Variants in VTCN1 observed in about 807,000 individuals in gnomAD.
VTCN1 encodes the protein V-set domain containing T cell activation inhibitor 1.
A neutral mutation model predicts 26.5 loss-of-function variants in VTCN1; 26 were observed. That is an observed-to-expected ratio of 0.98 (90% CI 0.72 to 1.36). The LOEUF (loss-of-function observed/expected upper bound fraction) is 1.36. Among genes scored for constraint, VTCN1 ranks in the 40% most tolerant of loss-of-function variants. The pLI is 0.00. For synonymous variants in VTCN1, 116 were observed against 130.7 expected, an observed-to-expected ratio of 0.89 and a Z score of 0.77; for missense variants, 298 against 337.7, an observed-to-expected ratio of 0.88 and a Z score of 0.92.
Position 117,167,503 on chromosome 1 carries a change from A to C in VTCN1, c.97+2604T>G, listed in dbSNP as rs1015728285. ...TCTGTAGTTCCACATTATGTTTTGC[A>C]TATGAAAATGTACTCAGTCTCTGTC... On this transcript the variant is annotated intron_variant, in intron 2 of 5. Coordinates refer to ENST00000369458, the MANE Select transcript of VTCN1 (RefSeq NM_024626.4). The surrounding 1 kb of genome is among the most constrained non-coding windows in gnomAD (Gnocchi z 4.1). Among the ~76,000 whole-genome samples, 1 of 152,222 alleles carries C rather than the reference A, an allele frequency of 6.6e-6. No individual in the cohort carries two copies. The highest frequency in any genetic ancestry group is 1.5e-5 in the Non-Finnish European group (1 of 68,046).
At chr1:117,154,783 CAAAAAAAAAAAAAA>C (rs916361996) in intron 3 of VTCN1, among the ~76,000 whole-genome samples, 2 of 39,896 alleles carry the variant, frequency 5.0e-5, no homozygotes, top group African/African-American at 1.7e-4. Flanking sequence ...AACTCCATCT[CAAAAAAAAAAAAAA>C]AAAAAAGAAA....
intron 1 of VTCN1, among the ~76,000 whole-genome samples, chr1:117,205,144 T>TTATATATATA (rs144891643): frequency 1.5e-4 from 20 of 134,744 alleles, no homozygotes; most frequent in Non-Finnish European, 2.8e-4. Context: ...ATATATATTT[T>TTATATATATA]TATATATATA....
At chr1:117,178,923 T>C (rs4659167) in intron 1 of VTCN1, among the ~76,000 whole-genome samples, 112,721 of 151,954 alleles carry the variant, frequency 0.74, 43,070 homozygotes, top group East Asian at 0.97. Flanking sequence ...ACGTGGGCCC[T>C]GTGTATTCCA....
chr1:117,168,932 G>A (rs1652755454), intron 2 of VTCN1, among the ~76,000 whole-genome samples: 1 of 152,136 alleles, frequency 6.6e-6, no homozygotes, highest in Admixed American at 6.6e-5. Flanking sequence ...AAGTGGGGAA[G>A]GGATGAATGT....
intron 1 of VTCN1, among the ~76,000 whole-genome samples, chr1:117,176,454 G>A (rs1172383366): frequency 6.6e-6 from 1 of 152,196 alleles, no homozygotes; most frequent in Non-Finnish European, 1.5e-5. Context: ...GCTACACAGT[G>A]TGGAAAGCTC....
At chr1:117,209,814 C>T (rs1012187091) in intron 1 of VTCN1, among the ~76,000 whole-genome samples, 4 of 152,194 alleles carry the variant, frequency 2.6e-5, no homozygotes, top group Admixed American at 1.3e-4. Context: ...GTCAGGGGAG[C>T]TGATATTTTG....
At position 117,169,128 on chromosome 1, in the gene VTCN1, G is replaced by GA. The variant is rs1226788095; in HGVS notation, c.97+978dup. Among the ~76,000 whole-genome samples the GA allele has an allele frequency of 3.9e-5, 6 of 152,056 alleles. No homozygotes were observed. The highest frequency in any genetic ancestry group is 3.3e-4 in the Admixed American group (5 of 15,278). On this transcript the variant is annotated intron_variant, in intron 2 of 5. Transcript: ENST00000369458. The surrounding 1 kb of genome is among the most constrained non-coding windows in gnomAD (Gnocchi z 4.0). The stretch of plus-strand genomic sequence containing the variant: ...TGTTGGACTGAGTCAGGTGGTTTAT[G>GA]AAAAAAAGAGCAGACAATTTGCCTC...
intron 2 of VTCN1, among the ~76,000 whole-genome samples, chr1:117,162,092 G>A (rs1652396643): frequency 6.6e-6 from 1 of 152,118 alleles, no homozygotes; most frequent in Admixed American, 6.5e-5. Context: ...GCAGGTTCTA[G>A]TCATTTAAGG....
In VTCN1 at chr1:117,153,139, T is replaced by C. The variant is rs1651880567; in HGVS notation, c.676A>G (p.Met226Val). Residue 226 changes from methionine (M) to valine (V), a missense_variant, in exon 4 of 6, where the codon ATG (methionine) becomes GTG (valine). Met to Val is a conservative substitution (Grantham distance 21). Coordinates refer to ENST00000369458, the MANE Select transcript of VTCN1 (RefSeq NM_024626.4). ...GCTTTGGCAATGTCATTTTCAATCA[T>C]ACAGGAGTATGTGTTGTTGATCGTA... ...NVTINNTYSCMIENDIAKATG... is the reference protein window; with the variant it reads ...NVTINNTYSCVIENDIAKATG... 15 of 1,613,832 alleles carry C rather than the reference T, an allele frequency of 9.3e-6. No individual in the cohort carries two copies. The highest frequency in any genetic ancestry group is 1.3e-5 in the Non-Finnish European group (15 of 1,179,988).
chr1:117,148,609 C>T (rs1651636833), intron 4 of VTCN1, among the ~76,000 whole-genome samples: 1 of 152,134 alleles, frequency 6.6e-6, no homozygotes, highest in Admixed American at 6.5e-5. Context: ...CCAGTTGCTG[C>T]TAGATATGTC....
chr1:117,186,799 G>A (rs139105502), intron 1 of VTCN1, among the ~76,000 whole-genome samples: 1,654 of 152,240 alleles, frequency 0.011, 24 homozygotes, highest in African/African-American at 0.038. Flanking sequence ...AGGCTGGGGC[G>A]GGAGGATTGC....
At chr1:117,191,902 G>A (rs1486693875) in intron 1 of VTCN1, among the ~76,000 whole-genome samples, 1 of 152,056 alleles carries the variant, frequency 6.6e-6, no homozygotes, top group East Asian at 1.9e-4. Context: ...GCTGTAGTGA[G>A]CTATGATCAT....
chr1:117,185,477 A>G (rs373083929), intron 1 of VTCN1, among the ~76,000 whole-genome samples: 1 of 152,150 alleles, frequency 6.6e-6, no homozygotes, highest in Admixed American at 6.5e-5. Flanking sequence ...GAGCCCCCCA[A>G]CCACCTGAAT....
chr1:117,152,904 C>T (rs557292615), intron 4 of VTCN1, among the ~76,000 whole-genome samples, 187 bp downstream of exon 4: 76 of 152,164 alleles, frequency 5.0e-4, no homozygotes, highest in Non-Finnish European at 9.9e-4. Flanking sequence ...ATATGCCATA[C>T]ATATTGTTTT....
Position 117,147,056 on chromosome 1 carries a change from G to T in VTCN1, c.*45+557C>A, listed in dbSNP as rs1651550040. Among the ~76,000 whole-genome samples, 1 of 152,108 alleles carries T rather than the reference G, an allele frequency of 6.6e-6. No individual in the cohort carries two copies. The highest frequency in any genetic ancestry group is 1.5e-5 in the Non-Finnish European group (1 of 67,998). On this transcript the variant is annotated intron_variant, in intron 5 of 5. Transcript: ENST00000369458. This position sits in a 1 kb window ranked among gnomAD's most constrained non-coding sequence, Gnocchi z 4.6. The stretch of plus-strand genomic sequence containing the variant: ...GGTGGGGATGCCACTGAGTAATATG[G>T]GAGTATCGACTGGAACTTCATGATC...
chr1:117,170,007 T>C, intron 2 of VTCN1, 100 bp downstream of exon 2: 1 of 1,148,718 alleles, frequency 8.7e-7, no homozygotes. Flanking sequence ...TGAGGTTTTC[T>C]GGGTCAAAGC....
rs140682785 is a variant in VTCN1 at position 117,168,603 on chromosome 1, A to C, written c.97+1504T>G. On this transcript the variant is annotated intron_variant, in intron 2 of 5. Coordinates refer to ENST00000369458, the MANE Select transcript of VTCN1 (RefSeq NM_024626.4). The stretch of plus-strand genomic sequence containing the variant: ...CTGCTCATTGAAAAACATCATTAAG[A>C]GAGTAAAAAAGCAAAGTGTAGAGTA... Among the ~76,000 whole-genome samples the C allele has an allele frequency of 7.8e-3, 1,183 of 152,336 alleles. 4 individuals are homozygous for C. Among genetic ancestry groups the C allele is most frequent in the Non-Finnish European group, 0.013 (853 of 68,034 alleles).
intron 1 of VTCN1, among the ~76,000 whole-genome samples, chr1:117,192,371 C>T (rs1289129560): frequency 6.6e-6 from 1 of 152,050 alleles, no homozygotes; most frequent in Non-Finnish European, 1.5e-5. Flanking sequence ...TACTACTAGA[C>T]CTGCCTTATG....
rs1651541408 is a variant in VTCN1 at position 117,146,909 on chromosome 1, G to A, written c.*45+704C>T. Among the ~76,000 whole-genome samples the A allele has an allele frequency of 6.6e-6, 1 of 152,136 alleles. No homozygotes were observed. Among genetic ancestry groups the A allele is most frequent in the African/African-American group, 2.4e-5 (1 of 41,416 alleles). On this transcript the variant is annotated intron_variant, in intron 5 of 5. Coordinates refer to ENST00000369458, the MANE Select transcript of VTCN1 (RefSeq NM_024626.4). The surrounding 1 kb of genome is among the most constrained non-coding windows in gnomAD (Gnocchi z 4.2). ...GTCGGGGTGTGAGATGATGAAGGCT[G>A]GATTAGGGTCAATCTGAGAGGCAAC...
Sources: gnomAD v4.1 joint callset for allele counts (sites outside exome capture counted in the v4.1 genomes callset) on GRCh38, gnomAD v4.1.1 for gene constraint, Gnocchi (gnomAD v3.1) non-coding constraint, MANE v1.5 for transcripts, NCBI Gene and HGNC (gene_info 2026-07-23, HGNC 2026-07-21) for gene names.